The following GABPB1 variants were observed in gnomAD, a reference collection of about 807,000 sequenced individuals.
The protein encoded by GABPB1 is GA-binding protein subunit beta-1.
In GABPB1, 15 loss-of-function variants were observed where a neutral mutation model predicts 45.9. The observed-to-expected ratio is 0.33, with a 90% CI of 0.22 to 0.50. GABPB1 has a LOEUF of 0.50. Among genes scored for constraint, GABPB1 ranks in the 20% least tolerant of loss-of-function variants. GABPB1 has a pLI of 0.98. For synonymous variants in GABPB1, 143 were observed against 154.4 expected (o/e 0.93, Z 0.55); for missense variants, 252 against 457.5 (o/e 0.55, Z 4.10).
chr15:50,328,406 C>T (rs956099384), intron 1 of GABPB1, among the ~76,000 whole-genome samples: 1 of 152,134 alleles, frequency 6.6e-6, no homozygotes, highest in Non-Finnish European at 1.5e-5. Flanking sequence ...ATCTGTACCT[C>T]ATACTGAGTT....
chr15:50,283,519 GTTTTT>G (rs926235933), intron 8 of GABPB1, among the ~76,000 whole-genome samples: 1 of 124,926 alleles, frequency 8.0e-6, no homozygotes, highest in Non-Finnish European at 1.5e-5. Flanking sequence ...GCACCTTATT[GTTTTT>G]TTTTTTTCTT....
intron 6 of GABPB1, 70 bp downstream of exon 6, chr15:50,300,719 A>T: frequency 1.1e-6 from 1 of 928,168 alleles, no homozygotes; most frequent in Non-Finnish European, 1.8e-6. Context: ...TGCTAGGATT[A>T]CAGGTGTGAG....
intron 1 of GABPB1, among the ~76,000 whole-genome samples, chr15:50,337,093 A>G (rs2048165592): frequency 2.7e-4 from 1 of 3,752 alleles, no homozygotes; most frequent in Non-Finnish European, 4.1e-4. Flanking sequence ...ATATATATAT[A>G]TATATATATA....
rs2045871119 is a variant in GABPB1, at chr15:50,277,980, A to G, written c.*652T>C. 1.3e-5 allele frequency: 2 copies of G among 152,384 alleles called. No homozygotes were observed. Among genetic ancestry groups the G allele is most frequent in the South Asian group, 4.1e-4 (2 of 4,830 alleles). 9.4% of individuals were successfully genotyped at this position (152,384 alleles called of 1,614,324 possible). A position where few individuals can be genotyped will look rare whatever the true frequency, so the allele number is the denominator to read the frequency against. On this transcript the variant is annotated 3_prime_UTR_variant, in exon 9 of 9. Transcript: ENST00000380877. ...GTCACTTTCATCATTTCTGTGGGAG[A>G]AATACCTATGTAAGTGATGCATTTT... is the stretch of plus-strand genomic sequence containing the variant.
At chr15:50,347,633 T>C (rs2048644846) in intron 1 of GABPB1, 1 of 152,186 alleles carries the variant, frequency 6.6e-6, no homozygotes. Context: ...ACCGTTATCA[T>C]AATGAGAAGA....
chr15:50,303,693 A>G (rs1035818178), intron 3 of GABPB1, among the ~76,000 whole-genome samples: 3 of 148,476 alleles, frequency 2.0e-5, no homozygotes, highest in Non-Finnish European at 4.5e-5. Flanking sequence ...AAAAAAAAAA[A>G]CAAAAAGAAA....
chr15:50,298,738 G>A (rs893188161), intron 6 of GABPB1, among the ~76,000 whole-genome samples: 1 of 152,182 alleles, frequency 6.6e-6, no homozygotes, highest in African/African-American at 2.4e-5. Context: ...AGATCACTGA[G>A]GTGAGGAGTT....
chr15:50,354,697 G>C (rs958922597), intron 1 of GABPB1: 26 of 371,006 alleles, frequency 7.0e-5, no homozygotes, highest in Non-Finnish European at 1.3e-4. Flanking sequence ...GCCGCGGCAT[G>C]CTAGGGCCGA....
intron 1 of GABPB1, among the ~76,000 whole-genome samples, chr15:50,315,544 C>G (rs999134025): frequency 6.6e-6 from 1 of 152,152 alleles, no homozygotes; most frequent in Non-Finnish European, 1.5e-5. Context: ...CACATGAGAT[C>G]AAGCAAGACA....
chr15:50,312,923 A>C (rs918685211), intron 1 of GABPB1, among the ~76,000 whole-genome samples: 2 of 152,146 alleles, frequency 1.3e-5, no homozygotes, highest in South Asian at 4.1e-4. Context: ...TCCTTTGTCA[A>C]ATATAACAAG....
intron 2 of GABPB1, among the ~76,000 whole-genome samples, chr15:50,308,709 T>G (rs182743823): frequency 7.9e-5 from 12 of 152,342 alleles, no homozygotes; most frequent in Admixed American, 6.5e-5. Flanking sequence ...GGTTCTTGCC[T>G]TCACTTAGTT....
At chr15:50,352,990 AG>A (rs2048906348) in intron 1 of GABPB1, 2 of 152,220 alleles carry the variant, frequency 1.3e-5, no homozygotes, top group South Asian at 4.1e-4. Context: ...GTTTCACCAA[AG>A]GATTCACTGC....
chr15:50,318,411 GT>G (rs914052471), intron 1 of GABPB1, among the ~76,000 whole-genome samples: 2 of 152,038 alleles, frequency 1.3e-5, no homozygotes, highest in African/African-American at 4.8e-5. Context: ...ACCTAATGGA[GT>G]TTTTTTCCCC....
chr15:50,351,007 T>C (rs2141190457), intron 1 of GABPB1: 1 of 152,338 alleles, frequency 6.6e-6, no homozygotes, highest in African/African-American at 2.4e-5. Flanking sequence ...TCCTCGTTTA[T>C]GCTCTACAGA....
chr15:50,331,861 T>A (rs1246127619), intron 1 of GABPB1, among the ~76,000 whole-genome samples: 2 of 147,378 alleles, frequency 1.4e-5, no homozygotes, highest in African/African-American at 5.2e-5. Flanking sequence ...CCGTTCAGTT[T>A]TTTTTTTTGT....
At chr15:50,327,807 G>A (rs1374961355) in intron 1 of GABPB1, among the ~76,000 whole-genome samples, 1 of 152,118 alleles carries the variant, frequency 6.6e-6, no homozygotes, top group African/African-American at 2.4e-5. Flanking sequence ...GCTGAGGCAG[G>A]AGAATCGCTT....
intron 1 of GABPB1, among the ~76,000 whole-genome samples, chr15:50,348,335 A>T (rs1595854321): frequency 1.3e-5 from 2 of 152,002 alleles, no homozygotes; most frequent in South Asian, 4.2e-4. Flanking sequence ...GCTCACTACA[A>T]CCTCCGCCTC....
chr15:50,324,167 G>A (rs2047667458), intron 1 of GABPB1, among the ~76,000 whole-genome samples: 1 of 151,788 alleles, frequency 6.6e-6, no homozygotes, highest in Non-Finnish European at 1.5e-5. Context: ...TTGCACCACT[G>A]CATTCCAGTC....
At chr15:50,317,725 T>C (rs952379535) in intron 1 of GABPB1, among the ~76,000 whole-genome samples, 2 of 152,064 alleles carry the variant, frequency 1.3e-5, no homozygotes, top group African/African-American at 4.8e-5. Context: ...CTGGCTAACA[T>C]GGTGAAACCC....
Sources: gnomAD v4.1 joint callset for allele counts (sites outside exome capture counted in the v4.1 genomes callset) on GRCh38, gnomAD v4.1.1 for gene constraint, MANE v1.5 for transcripts, NCBI Gene and HGNC (gene_info 2026-07-23, HGNC 2026-07-21) for gene names.